The following NTM variants were observed in gnomAD, a reference collection of about 807,000 sequenced individuals.
The protein encoded by NTM is neurotrimin.
Under a neutral mutation model 42.1 loss-of-function variants are expected in NTM, and 13 were observed. The ratio of observed to expected loss-of-function variants is 0.31; its 90% CI spans 0.20 to 0.49. The LOEUF is 0.49. Ranked by LOEUF, NTM falls within the 20% of genes least tolerant of loss-of-function variation. NTM has a pLI of 0.99. For missense variants in NTM, 373 were observed against 452.8 expected (o/e 0.82, Z 1.60); for synonymous variants, 187 against 179.2 (o/e 1.04, Z -0.35).
At chr11:131,680,417 G>A (rs2072283747) in intron 1 of NTM, among the ~76,000 whole-genome samples, 4 of 148,542 alleles carry the variant, frequency 2.7e-5, no homozygotes, top group Non-Finnish European at 4.5e-5. Context: ...GTAGGCATGT[G>A]TGCCTCTGTG....
chr11:131,428,120 C>T (rs1417836327), intron 1 of NTM, among the ~76,000 whole-genome samples: 1 of 152,170 alleles, frequency 6.6e-6, no homozygotes, highest in Non-Finnish European at 1.5e-5. Context: ...ATGCAAGAGG[C>T]CTCTCAAACT....
At chr11:131,739,887 G>A (rs2080962603) in intron 1 of NTM, among the ~76,000 whole-genome samples, 1 of 152,324 alleles carries the variant, frequency 6.6e-6, no homozygotes, top group South Asian at 2.1e-4. Flanking sequence ...CCATGAGCAA[G>A]GGGGCCTCAA....
At chr11:132,252,441 C>T (rs1288902836) in intron 4 of NTM, among the ~76,000 whole-genome samples, 1 of 151,940 alleles carries the variant, frequency 6.6e-6, no homozygotes, top group African/African-American at 2.4e-5. Flanking sequence ...AGAGAGTCCC[C>T]AAAAAAGGGT....
intron 2 of NTM, among the ~76,000 whole-genome samples, chr11:131,943,811 A>G (rs898868413): frequency 6.6e-6 from 1 of 152,198 alleles, no homozygotes; most frequent in Non-Finnish European, 1.5e-5. Flanking sequence ...GCAGATAATC[A>G]AAAGCACAGC....
rs1950947923 is a variant in NTM, at chr11:131,456,871, T to C, written c.82+85983T>C. 2.0e-5 allele frequency among the ~76,000 whole-genome samples: 3 copies of C among 152,308 alleles called. No individual in the cohort carries two copies. In the South Asian group the frequency reaches 6.2e-4, roughly 32 times the overall value. ...TTTGCTGGACCTAAGCTTCCTGTGC[T>C]TTCCTATCTCTATGATTTTCATGCT... On this transcript the variant is annotated intron_variant, in intron 1 of 8. Coordinates refer to ENST00000683400, the MANE Select transcript of NTM (RefSeq NM_001352005.2).
At chr11:131,594,033 T>A (rs2059611483) in intron 1 of NTM, among the ~76,000 whole-genome samples, 1 of 152,234 alleles carries the variant, frequency 6.6e-6, no homozygotes, top group African/African-American at 2.4e-5. Flanking sequence ...TGCACCAGCC[T>A]TATATAGTCT....
intron 1 of NTM, among the ~76,000 whole-genome samples, chr11:131,680,441 T>C (rs2072300676): frequency 7.3e-6 from 1 of 136,256 alleles, no homozygotes; most frequent in Non-Finnish European, 1.6e-5. Context: ...GTGTGTGAGA[T>C]CATATCTGTG....
chr11:132,287,794 A>G (rs994351828), intron 4 of NTM, among the ~76,000 whole-genome samples: 7 of 152,214 alleles, frequency 4.6e-5, no homozygotes, highest in African/African-American at 1.7e-4. Context: ...ATAAGCTTAC[A>G]TTGCATGAGC....
chr11:131,509,484 A>G (rs1235565997), intron 1 of NTM, among the ~76,000 whole-genome samples: 1 of 152,230 alleles, frequency 6.6e-6, no homozygotes, highest in African/African-American at 2.4e-5. Flanking sequence ...TATCCTTACC[A>G]GAATGTAAAC....
In NTM at chr11:131,601,996, G is replaced by A. The variant is rs1592187620; in HGVS notation, c.82+231108G>A. Among the ~76,000 whole-genome samples the A allele has an allele frequency of 3.3e-5, 5 of 152,096 alleles. No homozygotes were observed. The South Asian group carries it at 6.2e-4, about 19-fold the overall frequency. On this transcript the variant is annotated intron_variant, in intron 1 of 8. Coordinates refer to ENST00000683400, the MANE Select transcript of NTM (RefSeq NM_001352005.2). ...CACAGGAAATAAGAGTTATATTGGG[G>A]GCACAAACAGATTTTTTACTAGTAA...
Position 132,314,576 on chromosome 11 carries a change from G to T in NTM, c.807G>T (p.Val269=). The change falls in exon 7 of 9, where the codon GTG becomes GTT. Residue 269 remains valine, a synonymous_variant. Coordinates refer to ENST00000683400, the MANE Select transcript of NTM (RefSeq NM_001352005.2). The part of the protein sequence containing the change: ...DKRLIEGKKG[V]KVENRPFLSK... ...GACTGATTGAAGGAAAGAAAGGGGTGAAAGTGGAAAACAGACCTTTCCTCT... is the reference window on the plus strand; with the variant it reads ...GACTGATTGAAGGAAAGAAAGGGGTTAAAGTGGAAAACAGACCTTTCCTCT... 1 of 1,613,140 alleles carries T rather than the reference G, an allele frequency of 6.2e-7. No homozygotes were observed. The highest frequency in any genetic ancestry group is 8.5e-7 in the Non-Finnish European group (1 of 1,179,562).
rs567769593 is a variant in NTM, at chr11:131,739,718, G to A, written c.83-171846G>A. Reference sequence around the variant, plus strand: ...TCACATAAGGACTCTCCTAGGGAGGGCAGTGTTAGCAGCATGAAAAGAGGG... The same window carrying A: ...TCACATAAGGACTCTCCTAGGGAGGACAGTGTTAGCAGCATGAAAAGAGGG... On this transcript the variant is annotated intron_variant, in intron 1 of 8. Coordinates refer to ENST00000683400, the MANE Select transcript of NTM (RefSeq NM_001352005.2). Among the ~76,000 whole-genome samples the A allele has an allele frequency of 7.7e-4, 118 of 152,326 alleles. 1 individual carries two copies. The highest frequency in any genetic ancestry group is 1.6e-4 in the Non-Finnish European group (11 of 68,026).
chr11:131,894,235 G>C (rs940071667), intron 1 of NTM, among the ~76,000 whole-genome samples: 2 of 152,200 alleles, frequency 1.3e-5, no homozygotes. Flanking sequence ...ACACGAGCCA[G>C]TTACTCTGCT....
rs1370004002 is a variant in NTM at position 131,874,059 on chromosome 11, A to ATGTATATG, written c.83-37504_83-37503insGTATATGT. 1.2e-3 allele frequency among the ~76,000 whole-genome samples: 125 copies of ATGTATATG among 102,848 alleles called. 1 individual carries two copies. The highest frequency in any genetic ancestry group is 4.3e-3 in the African/African-American group (116 of 26,746). The allele number at this position is 102,848 out of a possible 152,430, so 67.5% of individuals were successfully genotyped here. On this transcript the variant is annotated intron_variant, in intron 1 of 8. Coordinates refer to ENST00000683400, the MANE Select transcript of NTM (RefSeq NM_001352005.2). ...TATATATATATATATATATATATAT[A>ATGTATATG]TATATATATCAGCAACAGGGTGTTA...
chr11:132,142,246 C>A (rs1044099379), intron 2 of NTM, among the ~76,000 whole-genome samples: 1 of 152,186 alleles, frequency 6.6e-6, no homozygotes, highest in South Asian at 2.1e-4. Flanking sequence ...ATCTGATGAG[C>A]GGCCATCTCC....
intron 2 of NTM, among the ~76,000 whole-genome samples, chr11:132,016,768 A>G (rs1029489329): frequency 6.6e-6 from 1 of 150,936 alleles, no homozygotes; most frequent in Non-Finnish European, 1.5e-5. Context: ...CCAACAATTT[A>G]TGAGTTTTCT....
intron 4 of NTM, among the ~76,000 whole-genome samples, chr11:132,295,380 G>C (rs1227267037): frequency 6.6e-6 from 1 of 152,122 alleles, no homozygotes; most frequent in African/African-American, 2.4e-5. Context: ...TGCTAAACCT[G>C]CTATAGATAT....
rs545060305 is a variant in NTM, at chr11:131,394,970, T to TTTTGG, written c.82+24084_82+24088dup. ...TTGCAGTCTATCCAGTCAGCAACAC[T>TTTTGG]TTTGGTGAGCCTAACAGCTGGGGTG... On this transcript the variant is annotated intron_variant, in intron 1 of 8. Coordinates refer to ENST00000683400, the MANE Select transcript of NTM (RefSeq NM_001352005.2). Among the ~76,000 whole-genome samples, 10 of 152,316 alleles carry TTTTGG rather than the reference T, an allele frequency of 6.6e-5. No homozygotes were observed. The South Asian group carries it at 2.1e-3, about 32-fold the overall frequency.
chr11:131,459,583 A>G (rs151235898), intron 1 of NTM, among the ~76,000 whole-genome samples: 130 of 152,364 alleles, frequency 8.5e-4, no homozygotes, highest in African/African-American at 3.0e-3. Context: ...TTGATTCACT[A>G]TGAGTAAGTC....
Sources: allele counts gnomAD v4.1 joint callset (sites outside exome capture counted in the v4.1 genomes callset), GRCh38; gene constraint gnomAD v4.1.1; transcripts MANE v1.5; gene names NCBI Gene and HGNC (gene_info 2026-07-23, HGNC 2026-07-21).